PCDHGA3: variants seen among roughly 807,000 people sequenced by gnomAD.
PCDHGA3 encodes the protein protocadherin gamma-A3.
A neutral mutation model predicts 58.5 loss-of-function variants in PCDHGA3; 40 were observed. That is an observed-to-expected ratio of 0.68 (90% CI 0.53 to 0.89). PCDHGA3 has a LOEUF of 0.89. PCDHGA3 is among the 40% of genes least tolerant of loss of function. The pLI is 0.00. For missense variants in PCDHGA3, 1,223 were observed against 1,195.9 expected (o/e 1.02, Z -0.33); for synonymous variants, 530 against 525.7 (o/e 1.01, Z -0.11).
chr5:141,448,449 T>A (rs528049717), intron 1 of PCDHGA3, among the ~76,000 whole-genome samples: 1 of 152,166 alleles, frequency 6.6e-6, no homozygotes, highest in Non-Finnish European at 1.5e-5. Context: ...CTGACTTCCA[T>A]CCCTATCCTA....
At chr5:141,403,157 A>G in intron 1 of PCDHGA3, 3 of 1,614,030 alleles carry the variant, frequency 1.9e-6, no homozygotes, top group Non-Finnish European at 8.5e-7. Context: ...CATCGTCTCT[A>G]GAGGTAGGAC....
At chr5:141,460,067 G>T (rs1168161575) in intron 1 of PCDHGA3, among the ~76,000 whole-genome samples, 1 of 151,996 alleles carries the variant, frequency 6.6e-6, no homozygotes, top group Non-Finnish European at 1.5e-5. Flanking sequence ...AACAGAGTGA[G>T]ACTTCATCTA....
chr5:141,427,146 A>G (rs901147622), intron 1 of PCDHGA3: 10 of 456,872 alleles, frequency 2.2e-5, no homozygotes, highest in Admixed American at 7.0e-5. Context: ...TGATATTGGA[A>G]ATATGTTTGT....
rs147783721 is a variant in PCDHGA3 at position 141,404,989 on chromosome 5, G to T, written c.2424+58532G>T. ...TCCTGGCTGACCTGGGCAGTCTTCAGATCCCTGCAGACCTGGAGGCCTCAG... is the reference window on the plus strand; with the variant it reads ...TCCTGGCTGACCTGGGCAGTCTTCATATCCCTGCAGACCTGGAGGCCTCAG... On this transcript the variant is annotated intron_variant, in intron 1 of 3. Transcript: ENST00000253812. 1.6e-5 allele frequency: 26 copies of T among 1,614,046 alleles called. No individual in the cohort carries two copies. In the Admixed American group the frequency reaches 4.0e-4, roughly 25 times the overall value.
intron 3 of PCDHGA3, among the ~76,000 whole-genome samples, chr5:141,508,837 A>C (rs1596180024): frequency 6.7e-6 from 1 of 149,276 alleles, no homozygotes; most frequent in Non-Finnish European, 1.5e-5. Context: ...CCCCTCCCCT[A>C]CCCCTTCCAT....
rs1432015114 is a variant in PCDHGA3, at chr5:141,345,443, C to T, written c.1410C>T (p.Ser470=). ...CAGAAAACAACCCCAGAGGAGCCTCCATCTTCTCAGTGACAGCCCAGGACC... is the reference window on the plus strand; with the variant it reads ...CAGAAAACAACCCCAGAGGAGCCTCTATCTTCTCAGTGACAGCCCAGGACC... ...YIPENNPRGA[S]IFSVTAQDPD... Residue 470 remains serine, a synonymous_variant, in exon 1 of 4, where the codon TCC becomes TCT. Coordinates refer to ENST00000253812, the MANE Select transcript of PCDHGA3 (RefSeq NM_018916.4). 2 of 1,614,120 alleles carry T rather than the reference C, an allele frequency of 1.2e-6. No homozygotes were observed. The highest frequency in any genetic ancestry group is 1.7e-5 in the Admixed American group (1 of 60,020).
At chr5:141,406,989 T>C (rs1402069577) in intron 1 of PCDHGA3, among the ~76,000 whole-genome samples, 2 of 152,236 alleles carry the variant, frequency 1.3e-5, no homozygotes, top group Non-Finnish European at 2.9e-5. Context: ...TCACAAGACA[T>C]TTGAAAATAA....
At chr5:141,422,149 C>G in intron 1 of PCDHGA3, 1 of 1,577,238 alleles carries the variant, frequency 6.3e-7, no homozygotes. Context: ...ACGGGGGTCT[C>G]TGGATTTTGA....
intron 1 of PCDHGA3, chr5:141,413,323 G>A (rs1221252167): frequency 2.5e-6 from 4 of 1,613,840 alleles, no homozygotes; most frequent in Non-Finnish European, 3.4e-6. Flanking sequence ...CTCTTTCGTG[G>A]GCAACATCTC....
intron 1 of PCDHGA3, chr5:141,389,998 T>G: frequency 6.2e-7 from 1 of 1,614,046 alleles, no homozygotes; most frequent in Non-Finnish European, 8.5e-7. Flanking sequence ...CTCGTGGCCA[T>G]GATTCTGGCC....
chr5:141,353,757 AT>A (rs1189530295), intron 1 of PCDHGA3, among the ~76,000 whole-genome samples: 1 of 152,166 alleles, frequency 6.6e-6, no homozygotes, highest in Admixed American at 6.5e-5. Flanking sequence ...ACATGTTGAG[AT>A]TTTTTTAATG....
At chr5:141,388,692 G>A (rs2091455947) in intron 1 of PCDHGA3, 1 of 1,613,870 alleles carries the variant, frequency 6.2e-7, no homozygotes, top group Non-Finnish European at 8.5e-7. Flanking sequence ...CACGGACCAG[G>A]ATGAGGGTGT....
rs780105196 is a variant in PCDHGA3 at position 141,366,612 on chromosome 5, C to T, written c.2424+20155C>T. 1.7e-5 allele frequency: 28 copies of T among 1,614,116 alleles called. No individual in the cohort carries two copies. In the Admixed American group the frequency reaches 4.5e-4, roughly 26 times the overall value. ...TATTCCCACGAGGTCTCCCTCACCG[C>T]GGACTCGAGGAAGAGTCACCTGATC... On this transcript the variant is annotated intron_variant, in intron 1 of 3. Transcript: ENST00000253812.
Position 141,476,788 on chromosome 5 carries a change from C to G in PCDHGA3, c.2425-18019C>G. 1 of 1,613,478 alleles carries G rather than the reference C, an allele frequency of 6.2e-7. No homozygotes were observed. Among genetic ancestry groups the G allele is most frequent in the Non-Finnish European group, 8.5e-7 (1 of 1,180,032 alleles). ...CGTTGGACGGAGGGACCCCAGCTCT[C>G]TCCGCCAGCCTGCCTATTCACATCA... On this transcript the variant is annotated intron_variant, in intron 1 of 3. Coordinates refer to ENST00000253812, the MANE Select transcript of PCDHGA3 (RefSeq NM_018916.4). This position sits in a 1 kb window ranked among gnomAD's most constrained non-coding sequence, Gnocchi z 7.6.
chr5:141,458,825 C>A (rs1417477907), intron 1 of PCDHGA3, among the ~76,000 whole-genome samples: 1 of 152,102 alleles, frequency 6.6e-6, no homozygotes, highest in Non-Finnish European at 1.5e-5. Context: ...CTCTGCCTCC[C>A]AGGCTCAAGT....
Position 141,345,885 on chromosome 5 carries a change from T to A in PCDHGA3, c.1852T>A (p.Ser618Thr), listed in dbSNP as rs948895515. ...LLKASEPGLFSVGLHTGEVRT... is the reference protein window; with the variant it reads ...LLKASEPGLFTVGLHTGEVRT... The stretch of plus-strand genomic sequence containing the variant: ...CAAGGCCAGCGAGCCGGGACTCTTC[T>A]CGGTGGGTCTGCACACGGGCGAGGT... The change falls in exon 1 of 4, where the codon TCG becomes ACG. Residue 618 changes from serine to threonine, a missense_variant. Ser to Thr is a moderately conservative substitution (Grantham distance 58, BLOSUM62 1). Transcript: ENST00000253812. 6.2e-7 allele frequency: 1 copy of A among 1,613,382 alleles called. No individual in the cohort carries two copies. Among genetic ancestry groups the A allele is most frequent in the Admixed American group, 1.7e-5 (1 of 59,988 alleles).
At chr5:141,351,379 G>A (rs1301322299) in intron 1 of PCDHGA3, 9 of 1,612,022 alleles carry the variant, frequency 5.6e-6, no homozygotes, top group Non-Finnish European at 7.6e-6. Context: ...AGGATTCTGG[G>A]CAAAATGGCA....
At chr5:141,382,895 C>A (rs1554087243) in intron 1 of PCDHGA3, 1 of 1,536,202 alleles carries the variant, frequency 6.5e-7, no homozygotes, top group South Asian at 1.3e-5. Flanking sequence ...AGAAGCAGGA[C>A]GACTATGGCG....
intron 1 of PCDHGA3, among the ~76,000 whole-genome samples, chr5:141,461,433 C>A (rs183800312): frequency 1.3e-5 from 2 of 151,970 alleles, no homozygotes; most frequent in Non-Finnish European, 1.5e-5. Context: ...CATTTGTATA[C>A]CTTCTTTTGA....
Sources: allele counts gnomAD v4.1 joint callset (sites outside exome capture counted in the v4.1 genomes callset), GRCh38; gene constraint gnomAD v4.1.1; non-coding constraint Gnocchi (gnomAD v3.1); transcripts MANE v1.5; gene names NCBI Gene and HGNC (gene_info 2026-07-23, HGNC 2026-07-21).